The following PIP5K1C variants were observed in gnomAD, a reference collection of about 807,000 sequenced individuals.
The protein encoded by PIP5K1C is phosphatidylinositol-4-phosphate 5-kinase type 1 gamma, also known as phosphatidylinositol 4-phosphate 5-kinase type-1 gamma.
In PIP5K1C, 45 loss-of-function variants were observed where a neutral mutation model predicts 80.1. That is an observed-to-expected ratio of 0.56 (90% CI 0.44 to 0.72). The LOEUF is 0.72. Among genes scored for constraint, PIP5K1C ranks in the 30% least tolerant of loss-of-function variants. The probability of loss-of-function intolerance (pLI) is 0.00; values close to 1 mark genes in which losing one functional copy is unlikely to be tolerated. For synonymous variants in PIP5K1C, 498 were observed against 420.1 expected (o/e 1.19, Z -2.27); for missense variants, 753 against 954.6 (o/e 0.79, Z 2.78).
chr19:3,696,956 AAGGAGGACTGAGCTGGACCG>A lies in PIP5K1C; in HGVS notation c.94+3321_94+3340del, dbSNP rs1182653637. On this transcript the variant is annotated intron_variant, in intron 1 of 17. Coordinates refer to ENST00000335312, the MANE Select transcript of PIP5K1C (RefSeq NM_012398.3). The surrounding 1 kb of genome is among the most constrained non-coding windows in gnomAD (Gnocchi z 4.1). ...GGCGCCAGGCCTGGCTCAGGGGGCA[AAGGAGGACTGAGCTGGACCG>A]AGGAGGACTGAGCTGGACGGAGGAG... 6.6e-5 allele frequency among the ~76,000 whole-genome samples: 10 copies of A among 152,252 alleles called. 1 individual carries two copies. The East Asian group carries it at 7.7e-4, about 12-fold the overall frequency.
chr19:3,644,434 G>A (rs759163335), intron 11 of PIP5K1C, among the ~76,000 whole-genome samples, 183 bp from the exon 12 acceptor site: 25 of 152,260 alleles, frequency 1.6e-4, no homozygotes, highest in South Asian at 1.0e-3. Context: ...GAGGGACTGC[G>A]AGCCCGAGTT....
At chr19:3,693,106 G>A (rs768924085) in intron 1 of PIP5K1C, among the ~76,000 whole-genome samples, 1 of 152,088 alleles carries the variant, frequency 6.6e-6, no homozygotes, top group Non-Finnish European at 1.5e-5. Context: ...CACTCCCAGA[G>A]TTCCTTAGGG....
intron 15 of PIP5K1C, among the ~76,000 whole-genome samples, chr19:3,640,909 G>A (rs59336650): frequency 6.6e-5 from 10 of 151,916 alleles, no homozygotes; most frequent in South Asian, 4.1e-4. Flanking sequence ...GGATGGTCTC[G>A]ATCTCCTGAC....
At chr19:3,642,863 G>T in intron 14 of PIP5K1C, 44 bp downstream of exon 14, 2 of 1,547,470 alleles carry the variant, frequency 1.3e-6, no homozygotes, top group Non-Finnish European at 1.8e-6. Context: ...AGCTGTGCAG[G>T]AGGAGCTGGT....
intron 1 of PIP5K1C, among the ~76,000 whole-genome samples, chr19:3,689,915 G>A (rs963528494): frequency 1.8e-4 from 27 of 152,280 alleles, no homozygotes; most frequent in African/African-American, 6.3e-4. Flanking sequence ...GGGCTGTACA[G>A]GTCTTCACTG....
At chr19:3,634,577 G>A (rs1376927042) in intron 16 of PIP5K1C, among the ~76,000 whole-genome samples, 1 of 152,196 alleles carries the variant, frequency 6.6e-6, no homozygotes, top group Non-Finnish European at 1.5e-5. Flanking sequence ...ATCACCCCAA[G>A]ACCCACTGCT....
At chr19:3,672,538 C>T (rs1027996746) in intron 1 of PIP5K1C, 1 of 152,502 alleles carries the variant, frequency 6.6e-6, no homozygotes, top group Non-Finnish European at 1.5e-5. Flanking sequence ...ATCTGTCTGA[C>T]ATGGACACTG....
Position 3,633,182 on chromosome 19 carries a change from G to C in PIP5K1C, c.2005-13C>G, listed in dbSNP as rs367651369. On this transcript the variant is annotated splice_polypyrimidine_tract_variant and intron_variant, in intron 17 of 17. Transcript: ENST00000335312. ...TGCATAGAAATTACTGCAAGAGCAA[G>C]AGGACAGGTGAAGGTGGGCGGGGCG... 11 of 767,322 alleles carry C rather than the reference G, an allele frequency of 1.4e-5. No individual in the cohort carries two copies. Among genetic ancestry groups the C allele is most frequent in the Non-Finnish European group, 2.4e-5 (10 of 412,300 alleles). The allele number at this position is 767,322 out of a possible 1,614,324, so 47.5% of individuals were successfully genotyped here.
chr19:3,645,826 A>G, intron 11 of PIP5K1C, 148 bp downstream of exon 11: 1 of 746,966 alleles, frequency 1.3e-6, no homozygotes. Flanking sequence ...CTACCTCCGG[A>G]TGAGGCCCGG....
At chr19:3,639,054 GC>G in intron 15 of PIP5K1C, 38 bp from the exon 16 acceptor site, 2 of 1,603,988 alleles carry the variant, frequency 1.2e-6, no homozygotes, top group East Asian at 2.2e-5. Context: ...TGACCCTCAG[GC>G]CCCACACGGA....
rs202050047 is a variant in PIP5K1C, at chr19:3,639,062, C to G, written c.1788-46G>C. The G allele has an allele frequency of 4.4e-5, 70 of 1,601,514 alleles. No individual in the cohort carries two copies. In the East Asian group the frequency reaches 1.2e-3, roughly 29 times the overall value. ...AGGGTCTTGACCCTCAGGCCCCACA[C>G]GGAGACTCCCCGCGCCCCCACTCAG... On this transcript the variant is annotated intron_variant, in intron 15 of 17. Transcript: ENST00000335312.
chr19:3,686,979 G>C (rs189580310), intron 1 of PIP5K1C, among the ~76,000 whole-genome samples: 1 of 152,136 alleles, frequency 6.6e-6, no homozygotes, highest in African/African-American at 2.4e-5. Context: ...GATAGCCTAA[G>C]GTCGGCAGTT....
chr19:3,644,309 A>G, intron 11 of PIP5K1C, 58 bp from the exon 12 acceptor site: 2 of 1,565,558 alleles, frequency 1.3e-6, no homozygotes, highest in Non-Finnish European at 1.7e-6. Flanking sequence ...AGCAAAGCCC[A>G]GACAGGGCCG....
chr19:3,633,623 G>A (rs2033546375), intron 16 of PIP5K1C, 103 bp from the exon 17 acceptor site: 1 of 770,534 alleles, frequency 1.3e-6, no homozygotes, highest in Non-Finnish European at 1.8e-6. Flanking sequence ...CATAAAAGAG[G>A]CGAATCCCCC....
chr19:3,690,827 G>A (rs1019373619), intron 1 of PIP5K1C, among the ~76,000 whole-genome samples: 3 of 152,204 alleles, frequency 2.0e-5, no homozygotes, highest in East Asian at 1.9e-4. Flanking sequence ...CAGAAAATGA[G>A]GTCAGAGTTC....
chr19:3,687,896 G>C (rs2035813947), intron 1 of PIP5K1C, among the ~76,000 whole-genome samples: 1 of 152,332 alleles, frequency 6.6e-6, no homozygotes, highest in East Asian at 1.9e-4. Flanking sequence ...GGAGCATCCA[G>C]AACTCCGCAG....
intron 1 of PIP5K1C, among the ~76,000 whole-genome samples, chr19:3,667,745 A>C (rs1298101641): frequency 1.3e-5 from 2 of 152,228 alleles, no homozygotes; most frequent in Non-Finnish European, 2.9e-5. Flanking sequence ...CTTCACACCC[A>C]GACATGAGGT....
chr19:3,634,147 G>A (rs999218545), intron 16 of PIP5K1C, among the ~76,000 whole-genome samples: 3 of 152,120 alleles, frequency 2.0e-5, no homozygotes, highest in Non-Finnish European at 4.4e-5. Context: ...CAAGTTCAGG[G>A]CTAGGCACAG....
chr19:3,664,721 T>G, intron 3 of PIP5K1C, 101 bp downstream of exon 3: 1 of 1,010,088 alleles, frequency 9.9e-7, no homozygotes, highest in Non-Finnish European at 1.6e-6. Context: ...CAGACCCTGG[T>G]TTGTGTCGGG....
Sources: gnomAD v4.1 joint callset for allele counts (sites outside exome capture counted in the v4.1 genomes callset) on GRCh38, gnomAD v4.1.1 for gene constraint, Gnocchi (gnomAD v3.1) non-coding constraint, MANE v1.5 for transcripts, NCBI Gene and HGNC (gene_info 2026-07-23, HGNC 2026-07-21) for gene names.